TBC1D5: variants seen among roughly 807,000 people sequenced by gnomAD.
TBC1D5 encodes the protein TBC1 domain family member 5.
Under a neutral mutation model 100.3 loss-of-function variants are expected in TBC1D5, and 75 were observed. The ratio of observed to expected loss-of-function variants is 0.75; its 90% CI spans 0.62 to 0.91. TBC1D5 has a LOEUF of 0.91. Among genes scored for constraint, TBC1D5 ranks in the 40% least tolerant of loss-of-function variants. The probability of loss-of-function intolerance (pLI) is 0.00; values close to 1 mark genes in which losing one functional copy is unlikely to be tolerated. For synonymous variants in TBC1D5, 323 were observed against 325.6 expected, an observed-to-expected ratio of 0.99 and a Z score of 0.09; for missense variants, 910 against 942.4, an observed-to-expected ratio of 0.97 and a Z score of 0.45.
chr3:17,206,852 A>G (rs536802424), intron 18 of TBC1D5, among the ~76,000 whole-genome samples: 3 of 152,346 alleles, frequency 2.0e-5, no homozygotes, highest in South Asian at 2.1e-4. Context: ...GTTTATCAGG[A>G]AATTTACAAA....
chr3:17,377,754 T>C (rs1198511155), intron 9 of TBC1D5, among the ~76,000 whole-genome samples: 2 of 151,992 alleles, frequency 1.3e-5, no homozygotes, highest in East Asian at 3.8e-4. Flanking sequence ...GCAAGTTAAC[T>C]TTTTCAGACT....
At chr3:17,510,688 G>C (rs905792352) in intron 2 of TBC1D5, among the ~76,000 whole-genome samples, 32 of 151,946 alleles carry the variant, frequency 2.1e-4, no homozygotes, top group African/African-American at 6.5e-4. Flanking sequence ...CTCTACTATG[G>C]AGCAGTCACC....
intron 2 of TBC1D5, 47 bp downstream of exon 2, chr3:17,623,802 G>C (rs774228391): frequency 3.6e-4 from 54 of 151,938 alleles, no homozygotes; most frequent in Non-Finnish European, 7.1e-4. Context: ...TGCTGTGTTG[G>C]GCATACATGA....
At chr3:17,336,211 T>C (rs1295988740) in intron 13 of TBC1D5, among the ~76,000 whole-genome samples, 1 of 152,070 alleles carries the variant, frequency 6.6e-6, no homozygotes, top group Admixed American at 6.6e-5. Flanking sequence ...CTACAGCATG[T>C]GAGCTAAACA....
exon 22 of TBC1D5, chr3:17,160,057 T>G (rs1403221535): frequency 1.3e-5 from 2 of 151,974 alleles, no homozygotes; most frequent in Non-Finnish European, 2.9e-5. Context: ...ACTGACTGTC[T>G]GAAAGATGTT....
intron 1 of TBC1D5, among the ~76,000 whole-genome samples, chr3:17,691,937 A>G (rs1392570038): frequency 6.6e-6 from 1 of 152,172 alleles, no homozygotes; most frequent in Non-Finnish European, 1.5e-5. Context: ...AAAAAATTCA[A>G]GGATTCCACA....
At chr3:17,651,665 T>G (rs539729235) in intron 1 of TBC1D5, among the ~76,000 whole-genome samples, 3 of 151,922 alleles carry the variant, frequency 2.0e-5, no homozygotes, top group Admixed American at 2.0e-4. Context: ...ATTGCGCTAC[T>G]GCACTGCAGC....
At chr3:17,295,801 A>G (rs1207437962) in intron 14 of TBC1D5, among the ~76,000 whole-genome samples, 1 of 152,232 alleles carries the variant, frequency 6.6e-6, no homozygotes, top group Non-Finnish European at 1.5e-5. Flanking sequence ...CTCCCCAAAA[A>G]TATCACTTAT....
At chr3:17,476,280 TTTAAG>T (rs1245444325) in intron 3 of TBC1D5, among the ~76,000 whole-genome samples, 1 of 151,964 alleles carries the variant, frequency 6.6e-6, no homozygotes, top group Admixed American at 6.6e-5. Context: ...GCTTTACACA[TTTAAG>T]TTTTTAATTT....
chr3:17,220,546 T>C (rs921478944), intron 17 of TBC1D5, among the ~76,000 whole-genome samples: 1 of 152,190 alleles, frequency 6.6e-6, no homozygotes, highest in Non-Finnish European at 1.5e-5. Context: ...GTCTACTTTT[T>C]CTTTTATGTC....
At chr3:17,506,518 T>G (rs1470911724) in intron 3 of TBC1D5, among the ~76,000 whole-genome samples, 1 of 152,178 alleles carries the variant, frequency 6.6e-6, no homozygotes, top group African/African-American at 2.4e-5. Context: ...TCATTTTAAG[T>G]GTTGTTAGTT....
chr3:17,183,820 T>TG (rs1166451224), intron 19 of TBC1D5, among the ~76,000 whole-genome samples: 1 of 152,226 alleles, frequency 6.6e-6, no homozygotes, highest in Non-Finnish European at 1.5e-5. Flanking sequence ...TAGAGCTTGC[T>TG]GGGGTTTGAA....
chr3:17,184,831 C>T (rs536068085), intron 19 of TBC1D5: 35 of 196,714 alleles, frequency 1.8e-4, no homozygotes, highest in East Asian at 7.6e-4. Flanking sequence ...CTGTGAGCCA[C>T]GGCATCCAGC....
At chr3:17,443,329 T>C (rs759828512) in intron 3 of TBC1D5, among the ~76,000 whole-genome samples, 9 of 152,202 alleles carry the variant, frequency 5.9e-5, no homozygotes, top group Non-Finnish European at 4.4e-5. Context: ...ATGTGGGCTC[T>C]AGATTGACAC....
chr3:17,187,514 T>A (rs947939184), intron 18 of TBC1D5, among the ~76,000 whole-genome samples: 1 of 152,198 alleles, frequency 6.6e-6, no homozygotes, highest in Non-Finnish European at 1.5e-5. Context: ...GTCAATACCA[T>A]GTGGAGCAGA....
chr3:17,712,559 T>C (rs2074843734), intron 1 of TBC1D5, among the ~76,000 whole-genome samples: 2 of 152,210 alleles, frequency 1.3e-5, no homozygotes, highest in African/African-American at 4.8e-5. Flanking sequence ...TTTTAAATTG[T>C]TGAAAACTAC....
chr3:17,676,124 A>C (rs1461660692), intron 1 of TBC1D5, among the ~76,000 whole-genome samples: 1 of 152,182 alleles, frequency 6.6e-6, no homozygotes, highest in Middle Eastern at 3.2e-3. Flanking sequence ...TTAATATTTT[A>C]CTAAAAGAAA....
chr3:17,229,732 T>C (rs2075253422), intron 17 of TBC1D5, among the ~76,000 whole-genome samples: 1 of 152,150 alleles, frequency 6.6e-6, no homozygotes, highest in Non-Finnish European at 1.5e-5. Flanking sequence ...AAGGCAGTGA[T>C]GGAGCCTGAA....
chr3:17,719,658 G>C (rs941590909), intron 1 of TBC1D5, among the ~76,000 whole-genome samples: 10 of 152,066 alleles, frequency 6.6e-5, no homozygotes. Context: ...GTTTAAGTTT[G>C]ACATAATAAA....
Sources: gnomAD v4.1 joint callset for allele counts (sites outside exome capture counted in the v4.1 genomes callset) on GRCh38, gnomAD v4.1.1 for gene constraint, MANE v1.5 for transcripts, NCBI Gene and HGNC (gene_info 2026-07-23, HGNC 2026-07-21) for gene names.